Variants in MCF2L observed in about 807,000 individuals in gnomAD.
The protein encoded by MCF2L is guanine nucleotide exchange factor DBS.
In MCF2L, 97 loss-of-function variants were observed where a neutral mutation model predicts 153.4. The observed-to-expected ratio is 0.63, with a 90% CI of 0.54 to 0.75. MCF2L has a LOEUF of 0.75. Ranked by LOEUF, MCF2L falls within the 30% of genes least tolerant of loss-of-function variation. MCF2L has a pLI of 0.00. For missense variants in MCF2L, 1,347 were observed against 1,495.2 expected (o/e 0.90, Z 1.64); for synonymous variants, 659 against 632.2 (o/e 1.04, Z -0.64).
chr13:112,936,855 A>G (rs1289117863), intron 2 of MCF2L, among the ~76,000 whole-genome samples: 4 of 152,152 alleles, frequency 2.6e-5, no homozygotes, highest in African/African-American at 9.7e-5. Context: ...ACCTAATACA[A>G]TGTAAATGCC....
rs763614484 is a variant in MCF2L at position 113,024,707 on chromosome 13, T to C, written c.227T>C (p.Ile76Thr). 1 of 1,614,062 alleles carries C rather than the reference T, an allele frequency of 6.2e-7. No homozygotes were observed. The highest frequency in any genetic ancestry group is 2.2e-5 in the East Asian group (1 of 44,886). Residue 76 changes from isoleucine (I) to threonine (T), a missense_variant, in exon 3 of 30, where the codon ATT becomes ACT. By Grantham distance (89) the Ile-to-Thr change is moderately conservative (BLOSUM62 -1). This residue lies in a region of MCF2L where 820 missense variants were observed against 921.2 expected (regional missense o/e 0.89). Coordinates refer to ENST00000535094, the MANE Select transcript of MCF2L (RefSeq NM_001112732.3). Reference protein sequence around the residue: ...TFPDYPAFSEIPDKEFQNVMT... With the variant: ...TFPDYPAFSETPDKEFQNVMT... ...CCTGACTACCCGGCCTTCAGCGAGA[T>C]TCCGGACAAGGAGTTCCAGAATGTC...
chr13:113,044,005 T>A (rs2086654110), intron 3 of MCF2L: 1 of 154,270 alleles, frequency 6.5e-6, no homozygotes, highest in Admixed American at 6.3e-5. Context: ...GCTGAAAATA[T>A]AACTTTAAAA....
At chr13:113,042,549 G>A (rs1241072636) in intron 3 of MCF2L, 1 of 152,236 alleles carries the variant, frequency 6.6e-6, no homozygotes, top group Non-Finnish European at 1.5e-5. Flanking sequence ...GGCAGGCCGG[G>A]CGGCATCCAG....
At chr13:113,050,428 T>C (rs1418292695) in intron 4 of MCF2L, among the ~76,000 whole-genome samples, 1 of 151,334 alleles carries the variant, frequency 6.6e-6, no homozygotes, top group Non-Finnish European at 1.5e-5. Flanking sequence ...AGAAAGTGAA[T>C]CTGATTTTTA....
At chr13:112,955,607 C>T (rs1030137909) in intron 2 of MCF2L, among the ~76,000 whole-genome samples, 1 of 152,180 alleles carries the variant, frequency 6.6e-6, no homozygotes, top group African/African-American at 2.4e-5. Flanking sequence ...AAGGTCACCC[C>T]CTGATAACTA....
chr13:113,066,141 C>A lies in MCF2L; in HGVS notation c.852C>A (p.Asp284Glu), dbSNP rs748402721. 4 of 1,612,798 alleles carry A rather than the reference C, an allele frequency of 2.5e-6. No homozygotes were observed. In the South Asian group the frequency reaches 3.3e-5, roughly 13 times the overall value. Residue 284 changes from aspartate (D) to glutamate (E), a missense_variant, in exon 8 of 30, where the codon GAC (aspartate) becomes GAA (glutamate). Asp to Glu is a conservative substitution (Grantham distance 45, BLOSUM62 2). Around this residue, in one of 3 missense-constraint regions of MCF2L, gnomAD observed 820 missense variants for 921.2 expected, o/e 0.89. Coordinates refer to ENST00000535094, the MANE Select transcript of MCF2L (RefSeq NM_001112732.3). ...GCTCAGAGCCCAGTGTGAACCAGGA[C>A]CAGCTTGACAACCAGGCCACCGTGC... ...AEGSEPSVNQ[D>E]QLDNQATVQR... is the part of the protein sequence containing the mutation.
chr13:113,064,245 G>A lies in MCF2L; in HGVS notation c.490-59G>A, dbSNP rs1170366391. 3 of 1,263,012 alleles carry A rather than the reference G, an allele frequency of 2.4e-6. No individual in the cohort carries two copies. The highest frequency in any genetic ancestry group is 3.5e-6 in the Non-Finnish European group (3 of 864,026). The allele number at this position is 1,263,012 out of a possible 1,614,324, so 78.2% of individuals were successfully genotyped here. The stretch of plus-strand genomic sequence containing the variant: ...TGCTGGGTGTTCTGCTGATGGGGCA[G>A]CTCTTTTGGGAGCCAACAATAATCC... On this transcript the variant is annotated intron_variant, in intron 5 of 29. Transcript: ENST00000535094. The surrounding 1 kb of genome is among the most constrained non-coding windows in gnomAD (Gnocchi z 6.0).
intron 4 of MCF2L, among the ~76,000 whole-genome samples, chr13:113,058,767 A>G (rs1196377671): frequency 1.9e-5 from 1 of 53,288 alleles, no homozygotes; most frequent in Non-Finnish European, 3.6e-5. Context: ...TTGGGGGCTG[A>G]GTATTTGGGG....
At chr13:112,934,719 G>C (rs1285899601) in intron 2 of MCF2L, among the ~76,000 whole-genome samples, 1 of 152,232 alleles carries the variant, frequency 6.6e-6, no homozygotes. Flanking sequence ...TGCTGGGGCT[G>C]TGTGCCGGGG....
intron 5 of MCF2L, among the ~76,000 whole-genome samples, chr13:113,062,827 A>G (rs1035383137): frequency 1.4e-4 from 22 of 152,318 alleles, no homozygotes; most frequent in African/African-American, 3.8e-4. Flanking sequence ...AAATGCAGAA[A>G]AATGAAGACA....
At chr13:113,009,023 A>AC (rs2083905212) in intron 1 of MCF2L, 1 of 152,170 alleles carries the variant, frequency 6.6e-6, no homozygotes, top group Non-Finnish European at 1.5e-5. Flanking sequence ...AGCTCTGGAG[A>AC]CGACCCCCAG....
At chr13:112,902,496 C>A in intron 2 of MCF2L, 1 of 990,712 alleles carries the variant, frequency 1.0e-6, no homozygotes, top group Non-Finnish European at 1.4e-6. Flanking sequence ...GAATGCATGA[C>A]CCCCCAGGTA....
In MCF2L at chr13:113,054,384, G is replaced by C. The variant is rs1012025926; in HGVS notation, c.370-6209G>C. The C allele has an allele frequency of 3.6e-5, 6 of 167,464 alleles. No homozygotes were observed. The highest frequency in any genetic ancestry group is 7.3e-5 in the Non-Finnish European group (5 of 68,216). 10.4% of individuals were successfully genotyped at this position (167,464 alleles called of 1,614,324 possible). A position where few individuals can be genotyped will look rare whatever the true frequency, so the allele number is the denominator to read the frequency against. The stretch of plus-strand genomic sequence containing the variant: ...TTGGTTTTAGGAGTGATGGCCTCAC[G>C]CACACGGCAGCGGCCATTCTGAGCA... On this transcript the variant is annotated intron_variant, in intron 4 of 29. Coordinates refer to ENST00000535094, the MANE Select transcript of MCF2L (RefSeq NM_001112732.3). This position sits in a 1 kb window ranked among gnomAD's most constrained non-coding sequence, Gnocchi z 5.2.
At chr13:112,930,889 A>G (rs1219845623) in intron 2 of MCF2L, among the ~76,000 whole-genome samples, 1 of 152,188 alleles carries the variant, frequency 6.6e-6, no homozygotes, top group Non-Finnish European at 1.5e-5. Context: ...GTGAGCCAAG[A>G]TCACGCCATT....
intron 27 of MCF2L, 93 bp from the exon 28 acceptor site, chr13:113,096,278 G>C: frequency 6.0e-6 from 6 of 995,526 alleles, no homozygotes; most frequent in Non-Finnish European, 1.5e-6. Context: ...CACCGGGGCA[G>C]GGCGCTAAGG....
intron 3 of MCF2L, among the ~76,000 whole-genome samples, chr13:113,030,423 G>A (rs1401031088): frequency 1.6e-4 from 24 of 148,486 alleles, no homozygotes; most frequent in African/African-American, 5.5e-4. Flanking sequence ...TCGGGTGTCC[G>A]CCGACGCCCG....
At chr13:112,910,590 T>C (rs1417727382) in intron 2 of MCF2L, 1 of 152,270 alleles carries the variant, frequency 6.6e-6, no homozygotes, top group East Asian at 1.9e-4. Flanking sequence ...ACTTAAGATA[T>C]GCACCTAAAT....
intron 26 of MCF2L, among the ~76,000 whole-genome samples, chr13:113,091,630 C>T (rs1377559566): frequency 2.0e-5 from 3 of 152,150 alleles, no homozygotes; most frequent in Non-Finnish European, 4.4e-5. Context: ...CCGACCCGGA[C>T]CCTCCTTTCC....
intron 2 of MCF2L, among the ~76,000 whole-genome samples, chr13:113,016,667 C>G (rs906314372): frequency 6.6e-6 from 1 of 152,118 alleles, no homozygotes; most frequent in African/African-American, 2.4e-5. Context: ...TGGAGGCAGG[C>G]TGCCTCCCCA....
Sources: allele counts gnomAD v4.1 joint callset (sites outside exome capture counted in the v4.1 genomes callset), GRCh38; gene constraint gnomAD v4.1.1; regional missense constraint gnomAD v4.1.1; non-coding constraint Gnocchi (gnomAD v3.1); transcripts MANE v1.5; gene names NCBI Gene and HGNC (gene_info 2026-07-23, HGNC 2026-07-21).